Variants in AP3B1 observed in about 807,000 individuals in gnomAD.
AP3B1 encodes adaptor related protein complex 3 subunit beta 1, also known as AP-3 complex subunit beta-1.
A neutral mutation model predicts 132.5 loss-of-function variants in AP3B1; 61 were observed. That is an observed-to-expected ratio of 0.46 (90% CI 0.37 to 0.57). The LOEUF is 0.57. AP3B1 is among the 20% of genes least tolerant of loss of function. The pLI is 0.00. For missense variants in AP3B1, 1,120 were observed against 1,289.4 expected (o/e 0.87, Z 2.01); for synonymous variants, 388 against 438.3 (o/e 0.89, Z 1.43).
rs1045375531 is a variant in AP3B1 at position 78,179,783 on chromosome 5, T to TA, written c.942+1723dup. Among the ~76,000 whole-genome samples, 7 of 151,368 alleles carry TA rather than the reference T, an allele frequency of 4.6e-5. No homozygotes were observed. In the South Asian group the frequency reaches 6.2e-4, roughly 14 times the overall value. ...CTCTCCATAAACTTAAGTACGAGGT[T>TA]AAAAAAAAATCTATCCACAATTCTT... On this transcript the variant is annotated intron_variant, in intron 8 of 26. Coordinates refer to ENST00000255194, the MANE Select transcript of AP3B1 (RefSeq NM_003664.5).
chr5:78,099,917 A>C (rs1272338168), intron 21 of AP3B1, among the ~76,000 whole-genome samples: 1 of 151,986 alleles, frequency 6.6e-6, no homozygotes. Context: ...GCTAGGTGAA[A>C]GGGTATGTGC....
intron 20 of AP3B1, among the ~76,000 whole-genome samples, chr5:78,106,950 G>C (rs1191417305): frequency 6.6e-6 from 1 of 152,110 alleles, no homozygotes; most frequent in Non-Finnish European, 1.5e-5. Context: ...TTAATGTAAA[G>C]ACTGAAAGAT....
At chr5:78,145,059 C>T (rs1431315203) in intron 14 of AP3B1, among the ~76,000 whole-genome samples, 4 of 152,104 alleles carry the variant, frequency 2.6e-5, no homozygotes, top group South Asian at 4.1e-4. Flanking sequence ...ATGAAGGATA[C>T]GCCAAAGGAC....
At chr5:78,103,538 T>C (rs1751212541) in intron 20 of AP3B1, among the ~76,000 whole-genome samples, 1 of 152,192 alleles carries the variant, frequency 6.6e-6, no homozygotes, top group Non-Finnish European at 1.5e-5. Context: ...ACTGTTTCCA[T>C]TGTGTTAGTA....
chr5:78,143,811 T>A (rs1580403253), intron 14 of AP3B1, among the ~76,000 whole-genome samples: 1 of 152,004 alleles, frequency 6.6e-6, no homozygotes, highest in Non-Finnish European at 1.5e-5. Context: ...GACAGGAGTT[T>A]GAGACCAGCC....
rs553860587 is a variant in AP3B1, at chr5:78,129,955, T to A, written c.1651-648A>T. ...CTAGGATAAAAGACTTCTTCCATTTTTCCCCCAAGCTGCTTATAGCCTCTA... is the reference window on the plus strand; with the variant it reads ...CTAGGATAAAAGACTTCTTCCATTTATCCCCCAAGCTGCTTATAGCCTCTA... On this transcript the variant is annotated intron_variant, in intron 15 of 26. Transcript: ENST00000255194. 6.9e-4 allele frequency among the ~76,000 whole-genome samples: 105 copies of A among 152,244 alleles called. 1 individual carries two copies. The highest frequency in any genetic ancestry group is 3.4e-3 in the Middle Eastern group (1 of 294).
intron 26 of AP3B1, chr5:78,003,518 T>G: frequency 1.5e-6 from 1 of 647,886 alleles, no homozygotes; most frequent in Non-Finnish European, 1.9e-6. Context: ...TGTAATAAGT[T>G]AGATAATTTT....
At chr5:78,243,301 T>TCATTCATC (rs1235834529) in intron 2 of AP3B1, among the ~76,000 whole-genome samples, 5 of 152,208 alleles carry the variant, frequency 3.3e-5, no homozygotes, top group African/African-American at 1.2e-4. Context: ...ATTCATTCAT[T>TCATTCATC]CATTCAATGA....
rs1749679562 is a variant in AP3B1, at chr5:78,294,644, A to G, written c.-65T>C. ...GGTTCTCTCCAAAAGGTTCCAGTCC[A>G]GAGGGCACGGAACAAAACTAGTTCT... On this transcript the variant is annotated 5_prime_UTR_variant, in exon 1 of 27. Transcript: ENST00000255194. The G allele has an allele frequency of 1.2e-6, 2 of 1,610,214 alleles. No homozygotes were observed. The highest frequency in any genetic ancestry group is 1.7e-6 in the Non-Finnish European group (2 of 1,179,312).
At chr5:78,073,420 C>T (rs992637859) in intron 22 of AP3B1, among the ~76,000 whole-genome samples, 3 of 152,002 alleles carry the variant, frequency 2.0e-5, no homozygotes, top group African/African-American at 7.2e-5. Flanking sequence ...TCTAAGATAC[C>T]ATAATGCTTA....
In AP3B1 at chr5:78,116,140, C is replaced by T. The variant is rs1301899742; in HGVS notation, c.2063G>A (p.Ser688Asn). 2.5e-6 allele frequency: 4 copies of T among 1,611,140 alleles called. No individual in the cohort carries two copies. Among genetic ancestry groups the T allele is most frequent in the Non-Finnish European group, 3.4e-6 (4 of 1,177,504 alleles). The change falls in exon 18 of 27, where the codon AGT becomes AAT. Residue 688 changes from serine (S) to asparagine (N), a missense_variant. This residue lies in a region of AP3B1 where 906 missense variants were observed against 997.1 expected (regional missense o/e 0.91). Transcript: ENST00000255194. ...ATAAAACCCACCACTGTCACTGCTACTATCAGAAGAGTCCTCCTCTTCCTC... is the reference window on the plus strand; with the variant it reads ...ATAAAACCCACCACTGTCACTGCTATTATCAGAAGAGTCCTCCTCTTCCTC... ...ESEEEEDSSDSSSDSESESGS... is the reference protein window; with the variant it reads ...ESEEEEDSSDNSSDSESESGS...
chr5:78,082,038 A>C (rs1194810300), intron 22 of AP3B1, among the ~76,000 whole-genome samples: 2 of 152,198 alleles, frequency 1.3e-5, no homozygotes, highest in African/African-American at 4.8e-5. Flanking sequence ...TTTCTGTACA[A>C]TAAGGGTTTT....
intron 7 of AP3B1, among the ~76,000 whole-genome samples, chr5:78,212,723 C>G (rs191163117): frequency 1.4e-4 from 21 of 152,204 alleles, no homozygotes; most frequent in South Asian, 1.0e-3. Flanking sequence ...TTCACCTTGT[C>G]TTTTTATTCT....
intron 20 of AP3B1, 124 bp downstream of exon 20, chr5:78,110,083 G>C: frequency 1.2e-6 from 1 of 833,952 alleles, no homozygotes; most frequent in Non-Finnish European, 1.9e-6. Flanking sequence ...CTGCAGAGTT[G>C]GGTTATAAGG....
intron 6 of AP3B1, among the ~76,000 whole-genome samples, chr5:78,224,373 C>A (rs1208516825): frequency 6.6e-6 from 1 of 151,384 alleles, no homozygotes; most frequent in East Asian, 1.9e-4. Context: ...AGTAAAAAAA[C>A]CATGAAAAGA....
At chr5:78,053,978 G>C (rs1476389575) in intron 22 of AP3B1, among the ~76,000 whole-genome samples, 1 of 152,160 alleles carries the variant, frequency 6.6e-6, no homozygotes, top group Non-Finnish European at 1.5e-5. Context: ...CATAGCACAT[G>C]TTTTACTAGC....
intron 2 of AP3B1, among the ~76,000 whole-genome samples, chr5:78,242,499 C>A (rs1022662285): frequency 2.0e-5 from 3 of 152,114 alleles, no homozygotes; most frequent in Non-Finnish European, 2.9e-5. Flanking sequence ...CTCCGCCTCC[C>A]GGGTTCGAGC....
chr5:78,066,729 T>C (rs1749307521), intron 22 of AP3B1, among the ~76,000 whole-genome samples: 2 of 151,880 alleles, frequency 1.3e-5, no homozygotes, highest in African/African-American at 4.8e-5. Context: ...ATGGAAGAAG[T>C]TGGAAAACAT....
chr5:78,011,511 G>A (rs1260046784), intron 26 of AP3B1, among the ~76,000 whole-genome samples: 1 of 152,176 alleles, frequency 6.6e-6, no homozygotes, highest in Non-Finnish European at 1.5e-5. Context: ...TCTAACAGTA[G>A]AGCTGCTTTC....
Sources: gnomAD v4.1 joint callset for allele counts (sites outside exome capture counted in the v4.1 genomes callset) on GRCh38, gnomAD v4.1.1 for gene constraint, gnomAD v4.1.1 regional missense constraint, MANE v1.5 for transcripts, NCBI Gene and HGNC (gene_info 2026-07-23, HGNC 2026-07-21) for gene names.